Variants in NR5A2 observed in about 807,000 individuals in gnomAD.
The protein encoded by NR5A2 is nuclear receptor subfamily 5 group A member 2.
A neutral mutation model predicts 62.7 loss-of-function variants in NR5A2; 26 were observed. That is an observed-to-expected ratio of 0.41 (90% CI 0.30 to 0.58). The LOEUF (loss-of-function observed/expected upper bound fraction) is 0.58. Ranked by LOEUF, NR5A2 falls within the 20% of genes least tolerant of loss-of-function variation. The pLI is 0.22. For synonymous variants in NR5A2, 246 were observed against 241.7 expected (o/e 1.02, Z -0.16); for missense variants, 541 against 669.1 (o/e 0.81, Z 2.11).
chr1:200,155,761 C>T (rs933735241), intron 7 of NR5A2, among the ~76,000 whole-genome samples: 1 of 152,000 alleles, frequency 6.6e-6, no homozygotes, highest in Non-Finnish European at 1.5e-5. Flanking sequence ...GCAACCTCCA[C>T]CTTTTGGGTT....
chr1:200,147,644 C>T lies in NR5A2; in HGVS notation c.1379-26319C>T. 2.8e-6 allele frequency: 2 copies of T among 707,040 alleles called. No individual in the cohort carries two copies. Among genetic ancestry groups the T allele is most frequent in the South Asian group, 2.7e-5 (2 of 73,184 alleles). The allele number at this position is 707,040 out of a possible 1,614,324, so 43.8% of individuals were successfully genotyped here. On this transcript the variant is annotated intron_variant, in intron 7 of 7. Transcript: ENST00000367362. This position sits in a 1 kb window ranked among gnomAD's most constrained non-coding sequence, Gnocchi z 4.9. ...CGCCGCAGCTTGCCCTGGATCTTGT[C>T]GATTGAGTTGAAGTCGGACACGTGG...
intron 6 of NR5A2, among the ~76,000 whole-genome samples, chr1:200,116,208 A>C (rs547478047): frequency 6.6e-6 from 1 of 152,306 alleles, no homozygotes; most frequent in African/African-American, 2.4e-5. Flanking sequence ...CATGTATGTC[A>C]TGTCTACACA....
chr1:200,103,291 T>C (rs1377686549), intron 5 of NR5A2, among the ~76,000 whole-genome samples: 1 of 151,968 alleles, frequency 6.6e-6, no homozygotes, highest in East Asian at 1.9e-4. Context: ...GCTGGGCTAA[T>C]TTTTTGTATT....
chr1:200,094,452 T>C (rs1645959001), intron 5 of NR5A2, among the ~76,000 whole-genome samples: 1 of 150,444 alleles, frequency 6.6e-6, no homozygotes, highest in African/African-American at 2.4e-5. Context: ...CCGAAAGTAC[T>C]AGGATTACAG....
rs184822303 is a variant in NR5A2, at chr1:200,051,915, C to T, written c.1110+3097C>T. 8.7e-4 allele frequency among the ~76,000 whole-genome samples: 133 copies of T among 152,160 alleles called. 4 individuals are homozygous for T. In the East Asian group the frequency reaches 0.015, roughly 17 times the overall value. On this transcript the variant is annotated intron_variant, in intron 5 of 7. Coordinates refer to ENST00000367362, the MANE Select transcript of NR5A2 (RefSeq NM_205860.3). ...GACATAGTGTACCAAACACATCACA[C>T]GGGCGCACACACACAGAGATGCACA...
chr1:200,035,599 C>T (rs919122707), intron 1 of NR5A2, among the ~76,000 whole-genome samples: 4 of 152,134 alleles, frequency 2.6e-5, no homozygotes, highest in Non-Finnish European at 4.4e-5. Context: ...TGCGAGGCCT[C>T]CTCAGCTCCA....
intron 5 of NR5A2, among the ~76,000 whole-genome samples, chr1:200,085,420 G>T (rs1198243724): frequency 6.6e-6 from 1 of 152,154 alleles, no homozygotes; most frequent in Non-Finnish European, 1.5e-5. Context: ...CACCATAGAA[G>T]CCTCCTGATG....
At chr1:200,035,170 A>G (rs989127326) in intron 1 of NR5A2, among the ~76,000 whole-genome samples, 7 of 152,196 alleles carry the variant, frequency 4.6e-5, no homozygotes, top group African/African-American at 1.7e-4. Context: ...GAGATCTGAA[A>G]AAAATCTAGA....
In NR5A2 at chr1:200,107,362, G is replaced by A. The variant is rs113785539; in HGVS notation, c.1111-3840G>A. ...CTTGGGAGCTGTAGCTTCAGAATCC[G>A]TCCCTGCCCTCAGGGAAGGCAGAAC... On this transcript the variant is annotated intron_variant, in intron 5 of 7. Coordinates refer to ENST00000367362, the MANE Select transcript of NR5A2 (RefSeq NM_205860.3). 3.3e-3 allele frequency among the ~76,000 whole-genome samples: 494 copies of A among 149,424 alleles called. 2 individuals are homozygous for A. Among genetic ancestry groups the A allele is most frequent in the Non-Finnish European group, 5.3e-3 (361 of 67,722 alleles).
At chr1:200,156,981 G>A (rs907202167) in intron 7 of NR5A2, among the ~76,000 whole-genome samples, 2 of 152,132 alleles carry the variant, frequency 1.3e-5, no homozygotes, top group Admixed American at 6.5e-5. Context: ...GCCGCTCTCT[G>A]TATATGCTGA....
At chr1:200,061,754 T>C (rs1395606473) in intron 5 of NR5A2, among the ~76,000 whole-genome samples, 1 of 152,212 alleles carries the variant, frequency 6.6e-6, no homozygotes, top group Non-Finnish European at 1.5e-5. Flanking sequence ...TCTCTGTCTT[T>C]CATTTTTGGG....
intron 7 of NR5A2, among the ~76,000 whole-genome samples, chr1:200,124,610 A>G (rs1288107421): frequency 6.6e-6 from 1 of 152,212 alleles, no homozygotes; most frequent in Non-Finnish European, 1.5e-5. Context: ...AATGCTTGGT[A>G]CATAGTAGGG....
chr1:200,083,967 AAATAATAATAATAATAATAAT>A (rs149200240), intron 5 of NR5A2, among the ~76,000 whole-genome samples: 2 of 142,724 alleles, frequency 1.4e-5, no homozygotes, highest in Non-Finnish European at 3.0e-5. Flanking sequence ...CTCCATCTCA[AAATAATAATAATAATAATAAT>A]AATAATAATA....
chr1:200,126,426 ACTC>A (rs1666702968), intron 7 of NR5A2, among the ~76,000 whole-genome samples: 1 of 152,108 alleles, frequency 6.6e-6, no homozygotes, highest in Non-Finnish European at 1.5e-5. Flanking sequence ...TGTATGTTTT[ACTC>A]CTCATGTACT....
intron 5 of NR5A2, among the ~76,000 whole-genome samples, chr1:200,108,146 T>C (rs556597180): frequency 6.6e-6 from 1 of 150,622 alleles, no homozygotes; most frequent in East Asian, 2.0e-4. Context: ...CAGCCTGGAA[T>C]GCAGTGGCAC....
At chr1:200,038,385 A>G (rs1661880620) in intron 1 of NR5A2, among the ~76,000 whole-genome samples, 1 of 152,158 alleles carries the variant, frequency 6.6e-6, no homozygotes, top group Non-Finnish European at 1.5e-5. Context: ...CAGACTGGGG[A>G]AAGAGGAGTC....
At position 200,175,764 on chromosome 1, in the gene NR5A2, C is replaced by G. The variant is rs1654391111; in HGVS notation, c.*1554C>G. The G allele has an allele frequency of 6.6e-6, 1 of 152,478 alleles. No homozygotes were observed. Among genetic ancestry groups the G allele is most frequent in the African/African-American group, 2.4e-5 (1 of 41,412 alleles). The allele number at this position is 152,478 out of a possible 1,614,324, so 9.4% of individuals were successfully genotyped here. ...CTTAATTATTCTATGTCGTGAGACA[C>G]TAAAATCAAAAACGGGAATCTCATT... On this transcript the variant is annotated 3_prime_UTR_variant, in exon 8 of 8. Transcript: ENST00000367362.
chr1:200,077,058 A>G (rs1664075490), intron 5 of NR5A2, among the ~76,000 whole-genome samples: 1 of 152,274 alleles, frequency 6.6e-6, no homozygotes, highest in Admixed American at 6.5e-5. Flanking sequence ...TTAAGGCATA[A>G]TATCTACTAC....
intron 7 of NR5A2, 141 bp downstream of exon 7, chr1:200,121,096 A>G: frequency 1.1e-5 from 9 of 814,268 alleles, no homozygotes; most frequent in Non-Finnish European, 1.7e-5. Flanking sequence ...TCAAACGTGA[A>G]TATATTTTCA....
Sources: allele counts gnomAD v4.1 joint callset (sites outside exome capture counted in the v4.1 genomes callset), GRCh38; gene constraint gnomAD v4.1.1; non-coding constraint Gnocchi (gnomAD v3.1); transcripts MANE v1.5; gene names NCBI Gene and HGNC (gene_info 2026-07-23, HGNC 2026-07-21).